Variants in ERBB4 observed in about 807,000 individuals in gnomAD.
ERBB4 encodes receptor tyrosine-protein kinase erbB-4.
Under a neutral mutation model 158.0 loss-of-function variants are expected in ERBB4, and 42 were observed. The ratio of observed to expected loss-of-function variants is 0.27; its 90% CI spans 0.21 to 0.34. The LOEUF (loss-of-function observed/expected upper bound fraction) is 0.34, where lower values mean the gene tolerates loss of function less well. Ranked by LOEUF, ERBB4 falls within the 10% of genes least tolerant of loss-of-function variation. The pLI is 1.00. For missense variants in ERBB4, 1,333 were observed against 1,624.1 expected, an observed-to-expected ratio of 0.82 and a Z score of 3.08; for synonymous variants, 583 against 558.7, an observed-to-expected ratio of 1.04 and a Z score of -0.61.
At chr2:212,309,194 T>C (rs1460907977) in intron 1 of ERBB4, among the ~76,000 whole-genome samples, 5 of 150,896 alleles carry the variant, frequency 3.3e-5, no homozygotes, top group Non-Finnish European at 6.0e-5. Context: ...GTTAACACCC[T>C]CTGATTTGAG....
rs138686089 is a variant in ERBB4 at position 211,495,398 on chromosome 2, CTCTTA to C, written c.2488-64303_2488-64299del. On this transcript the variant is annotated intron_variant, in intron 20 of 27. Coordinates refer to ENST00000342788, the MANE Select transcript of ERBB4 (RefSeq NM_005235.3). ...TCGCCTTTTGTGTAGAATAACTCTT[CTCTTA>C]TGAGAGAGCTGTTAATAAATTTGTA... Among the ~76,000 whole-genome samples, 1,072 of 152,116 alleles carry C rather than the reference CTCTTA, an allele frequency of 7.0e-3. 14 individuals carry two copies. Among genetic ancestry groups the C allele is most frequent in the African/African-American group, 0.025 (1,016 of 41,468 alleles).
chr2:212,520,984 T>C (rs888747757), intron 1 of ERBB4, among the ~76,000 whole-genome samples: 1 of 151,918 alleles, frequency 6.6e-6, no homozygotes, highest in Non-Finnish European at 1.5e-5. Context: ...TCACAACAAT[T>C]TACAGATTAT....
chr2:211,703,953 T>C lies in ERBB4; in HGVS notation c.1289+151A>G, dbSNP rs536632084. 5.5e-4 allele frequency: 379 copies of C among 683,836 alleles called. 7 individuals carry two copies. The South Asian group carries it at 5.9e-3, about 11-fold the overall frequency. 42.4% of individuals were successfully genotyped at this position (683,836 alleles called of 1,614,324 possible). On this transcript the variant is annotated intron_variant, in intron 11 of 27. Coordinates refer to ENST00000342788, the MANE Select transcript of ERBB4 (RefSeq NM_005235.3). ...TAATACCTCACACCATCATCGGAGG[T>C]ATTTTTATTGAGCTTATCTTTGGAA...
intron 3 of ERBB4, among the ~76,000 whole-genome samples, chr2:211,816,235 T>A (rs1418704638): frequency 1.3e-5 from 2 of 152,146 alleles, no homozygotes; most frequent in African/African-American, 4.8e-5. Context: ...TAATAAAATA[T>A]CAGTTTTCAT....
intron 2 of ERBB4, among the ~76,000 whole-genome samples, chr2:212,004,220 T>C (rs773639407): frequency 1.3e-5 from 2 of 152,214 alleles, no homozygotes; most frequent in Non-Finnish European, 2.9e-5. Context: ...TATACATTAA[T>C]TGACAGCAAA....
chr2:212,131,266 T>G (rs189603144), intron 1 of ERBB4, among the ~76,000 whole-genome samples: 1 of 151,680 alleles, frequency 6.6e-6, no homozygotes, highest in Non-Finnish European at 1.5e-5. Flanking sequence ...GATTTCCTAT[T>G]TGCCCCATTA....
chr2:211,661,848 G>C (rs1229561717), intron 15 of ERBB4, among the ~76,000 whole-genome samples: 1 of 150,450 alleles, frequency 6.6e-6, no homozygotes, highest in East Asian at 1.9e-4. Flanking sequence ...GACCATCCCG[G>C]CTAAAACGGT....
intron 14 of ERBB4, among the ~76,000 whole-genome samples, chr2:211,672,358 G>A (rs1316710712): frequency 6.6e-6 from 1 of 152,032 alleles, no homozygotes; most frequent in Non-Finnish European, 1.5e-5. Flanking sequence ...ACTTAGGAAT[G>A]AAAAATTTAT....
intron 17 of ERBB4, among the ~76,000 whole-genome samples, chr2:211,625,861 C>T (rs2069823507): frequency 6.6e-6 from 1 of 152,154 alleles, no homozygotes; most frequent in Non-Finnish European, 1.5e-5. Context: ...TGTGTATATG[C>T]CTTGGCATAT....
At chr2:211,849,825 A>G in intron 3 of ERBB4, among the ~76,000 whole-genome samples, 1 of 144,300 alleles carries the variant, frequency 6.9e-6, no homozygotes, top group Non-Finnish European at 1.5e-5. Context: ...CTTACTGCCC[A>G]GCAAAATGCA....
chr2:211,736,458 T>C (rs1380802451), intron 5 of ERBB4, among the ~76,000 whole-genome samples: 1 of 152,220 alleles, frequency 6.6e-6, no homozygotes, highest in Non-Finnish European at 1.5e-5. Flanking sequence ...TATAATCTAC[T>C]AACAAGTTGC....
intron 20 of ERBB4, among the ~76,000 whole-genome samples, chr2:211,446,300 C>T (rs140510765): frequency 3.9e-5 from 6 of 152,256 alleles, no homozygotes; most frequent in African/African-American, 1.4e-4. Context: ...ATTGCATCAC[C>T]TGGCTGGAGT....
intron 1 of ERBB4, among the ~76,000 whole-genome samples, chr2:212,534,331 T>C (rs1332476867): frequency 3.9e-5 from 6 of 152,186 alleles, no homozygotes; most frequent in Non-Finnish European, 8.8e-5. Context: ...CTCACTAGCA[T>C]TTTTTAAATA....
intron 2 of ERBB4, among the ~76,000 whole-genome samples, chr2:211,953,174 A>C (rs2080924176): frequency 6.6e-6 from 1 of 151,980 alleles, no homozygotes; most frequent in Non-Finnish European, 1.5e-5. Context: ...CTAATACAAA[A>C]CATTGTTTGA....
intron 25 of ERBB4, among the ~76,000 whole-genome samples, chr2:211,414,500 T>TAAAAAAAAAAAAAA (rs71047174): frequency 2.0e-5 from 2 of 102,126 alleles, no homozygotes; most frequent in Non-Finnish European, 4.1e-5. Flanking sequence ...CAGTCTCAAT[T>TAAAAAAAAAAAAAA]AAAAAAAAAA....
intron 1 of ERBB4, among the ~76,000 whole-genome samples, chr2:212,335,344 T>C (rs2088379717): frequency 6.6e-6 from 1 of 151,942 alleles, no homozygotes; most frequent in Non-Finnish European, 1.5e-5. Flanking sequence ...TTGGAACAGA[T>C]TTCTGATTTT....
intron 19 of ERBB4, among the ~76,000 whole-genome samples, chr2:211,579,153 C>T (rs1468483827): frequency 6.6e-6 from 1 of 152,098 alleles, no homozygotes; most frequent in African/African-American, 2.4e-5. Context: ...CATGAACAGA[C>T]ACTTCTCAAT....
intron 3 of ERBB4, among the ~76,000 whole-genome samples, chr2:211,906,543 T>C (rs892667199): frequency 1.0e-4 from 15 of 147,680 alleles, no homozygotes; most frequent in African/African-American, 3.4e-4. Context: ...CTATGATAGA[T>C]AGATATCATA....
chr2:211,441,411 G>A (rs2063972595), intron 20 of ERBB4, among the ~76,000 whole-genome samples: 1 of 152,278 alleles, frequency 6.6e-6, no homozygotes, highest in African/African-American at 2.4e-5. Context: ...TGATGGTATA[G>A]TAATAATACA....
Sources: allele counts gnomAD v4.1 joint callset (sites outside exome capture counted in the v4.1 genomes callset), GRCh38; gene constraint gnomAD v4.1.1; transcripts MANE v1.5; gene names NCBI Gene and HGNC (gene_info 2026-07-23, HGNC 2026-07-21).